Variants in SH2D4A observed in about 807,000 individuals in gnomAD.
SH2D4A encodes SH2 domain-containing protein 4A.
In SH2D4A, 70 loss-of-function variants were observed where a neutral mutation model predicts 64.7. The observed-to-expected ratio is 1.08, with a 90% CI of 0.89 to 1.32. SH2D4A has a LOEUF of 1.32. Among genes scored for constraint, SH2D4A ranks in the 40% most tolerant of loss-of-function variants. The pLI is 0.00. For synonymous variants in SH2D4A, 268 were observed against 200.7 expected, an observed-to-expected ratio of 1.34 and a Z score of -2.83; for missense variants, 706 against 540.1, an observed-to-expected ratio of 1.31 and a Z score of -3.04.
At chr8:19,354,197 C>G (rs1257894597) in intron 4 of SH2D4A, among the ~76,000 whole-genome samples, 1 of 151,968 alleles carries the variant, frequency 6.6e-6, no homozygotes, top group African/African-American at 2.4e-5. Context: ...GATGGGGTTT[C>G]ACCATGTGGG....
chr8:19,379,343 A>C (rs1479554222), intron 8 of SH2D4A, among the ~76,000 whole-genome samples: 1 of 152,204 alleles, frequency 6.6e-6, no homozygotes, highest in East Asian at 1.9e-4. Context: ...TGTGCATGTC[A>C]GAATTTCCTC....
intron 8 of SH2D4A, among the ~76,000 whole-genome samples, chr8:19,379,830 A>T (rs112482762): frequency 3.9e-5 from 6 of 152,188 alleles, no homozygotes; most frequent in African/African-American, 1.2e-4. Context: ...TCAAACTCCT[A>T]GGCTCAAGTA....
At chr8:19,331,956 C>A (rs1449524342) in intron 2 of SH2D4A, among the ~76,000 whole-genome samples, 1 of 152,106 alleles carries the variant, frequency 6.6e-6, no homozygotes, top group Non-Finnish European at 1.5e-5. Context: ...AAGTTTGAGA[C>A]CAGCCTGGGC....
At chr8:19,382,946 T>A (rs1231844862) in intron 8 of SH2D4A, among the ~76,000 whole-genome samples, 1 of 147,352 alleles carries the variant, frequency 6.8e-6, no homozygotes, top group Non-Finnish European at 1.5e-5. Context: ...TTCTCCTGCC[T>A]CAGCCCTGTC....
At chr8:19,383,544 C>T (rs1216555162) in intron 8 of SH2D4A, among the ~76,000 whole-genome samples, 2 of 151,884 alleles carry the variant, frequency 1.3e-5, no homozygotes, top group African/African-American at 2.4e-5. Flanking sequence ...TATTTTCATG[C>T]GTTGTGACTT....
chr8:19,317,313 T>G (rs1478150811), intron 1 of SH2D4A, among the ~76,000 whole-genome samples: 1 of 151,178 alleles, frequency 6.6e-6, no homozygotes. Context: ...ATTTTTTTTT[T>G]TTTTTTTTTT....
intron 1 of SH2D4A, among the ~76,000 whole-genome samples, chr8:19,318,886 G>A (rs955204200): frequency 6.6e-6 from 1 of 152,016 alleles, no homozygotes; most frequent in African/African-American, 2.4e-5. Context: ...CTCTATTTTG[G>A]TTTGGTTTGG....
At chr8:19,346,583 C>G (rs1303045769) in intron 4 of SH2D4A, among the ~76,000 whole-genome samples, 1 of 152,134 alleles carries the variant, frequency 6.6e-6, no homozygotes, top group Non-Finnish European at 1.5e-5. Context: ...TGAATCATCC[C>G]GAAGCCATCC....
rs902345134 is a variant in SH2D4A, at chr8:19,363,980, C to G, written c.707-92C>G. On this transcript the variant is annotated intron_variant, in intron 6 of 9. Transcript: ENST00000265807. ...AAGCAGACAACAAACTGCTGAGAAC[C>G]TGCGCTGCTGCCCGTTGTGCAATGA... is the stretch of plus-strand genomic sequence containing the variant. 10 of 1,189,492 alleles carry G rather than the reference C, an allele frequency of 8.4e-6. No homozygotes were observed. In the African/African-American group the frequency reaches 1.1e-4, roughly 13 times the overall value. The allele number at this position is 1,189,492 out of a possible 1,614,324, so 73.7% of individuals were successfully genotyped here.
chr8:19,344,721 G>C (rs1260288198), intron 4 of SH2D4A, among the ~76,000 whole-genome samples: 2 of 152,124 alleles, frequency 1.3e-5, no homozygotes, highest in African/African-American at 4.8e-5. Context: ...CAGTAGTATA[G>C]GCCTGCCACC....
At chr8:19,389,438 T>C (rs2053448276) in intron 8 of SH2D4A, among the ~76,000 whole-genome samples, 1 of 152,150 alleles carries the variant, frequency 6.6e-6, no homozygotes, top group Admixed American at 6.5e-5. Flanking sequence ...CATGTGGCAA[T>C]ATTTTCATTA....
Position 19,334,862 on chromosome 8 carries a change from G to A in SH2D4A, c.513+5G>A. 3 of 1,601,102 alleles carry A rather than the reference G, an allele frequency of 1.9e-6. No homozygotes were observed. The highest frequency in any genetic ancestry group is 2.6e-6 in the Non-Finnish European group (3 of 1,176,240). ...CTGGAAGAAGAGAAAATCCGAGTGA[G>A]TCCTTACTGTCTGTAGACGTGCGGA... is the stretch of plus-strand genomic sequence containing the variant. On this transcript the variant is annotated splice_donor_5th_base_variant and intron_variant, in intron 4 of 9. Coordinates refer to ENST00000265807, the MANE Select transcript of SH2D4A (RefSeq NM_022071.4).
At chr8:19,389,924 T>C (rs1010575377) in intron 8 of SH2D4A, among the ~76,000 whole-genome samples, 12 of 152,152 alleles carry the variant, frequency 7.9e-5, no homozygotes, top group African/African-American at 2.4e-4. Context: ...AATCCTCCTA[T>C]GACATCAGGT....
chr8:19,315,272 A>G (rs777705026), intron 1 of SH2D4A, among the ~76,000 whole-genome samples: 2 of 152,126 alleles, frequency 1.3e-5, no homozygotes, highest in Non-Finnish European at 2.9e-5. Context: ...AGTAGGTGGG[A>G]CTATAGGTGC....
chr8:19,363,062 T>C (rs946227236), intron 6 of SH2D4A, among the ~76,000 whole-genome samples: 45 of 152,178 alleles, frequency 3.0e-4, no homozygotes, highest in African/African-American at 9.9e-4. Flanking sequence ...ACCTTTGCTA[T>C]GTTGGGGGTA....
chr8:19,380,685 C>G (rs150078801), intron 8 of SH2D4A, among the ~76,000 whole-genome samples: 6 of 152,288 alleles, frequency 3.9e-5, no homozygotes, highest in South Asian at 2.1e-4. Flanking sequence ...TTGACCATGT[C>G]TATGCATTTT....
At chr8:19,375,225 A>G (rs1400791696) in intron 8 of SH2D4A, 2 of 152,234 alleles carry the variant, frequency 1.3e-5, no homozygotes, top group Non-Finnish European at 2.9e-5. Flanking sequence ...ATTAATAACC[A>G]TTACATAGCC....
chr8:19,323,463 C>T (rs1055412965), intron 2 of SH2D4A, among the ~76,000 whole-genome samples: 6 of 151,820 alleles, frequency 4.0e-5, no homozygotes, highest in African/African-American at 1.5e-4. Context: ...TCACTGCAAC[C>T]TCTGCCTCCT....
At chr8:19,369,261 T>C (rs1368679147) in intron 7 of SH2D4A, among the ~76,000 whole-genome samples, 1 of 152,162 alleles carries the variant, frequency 6.6e-6, no homozygotes, top group Non-Finnish European at 1.5e-5. Flanking sequence ...TTTGTATCTA[T>C]GTTCATCATC....
Sources: allele counts gnomAD v4.1 joint callset (sites outside exome capture counted in the v4.1 genomes callset), GRCh38; gene constraint gnomAD v4.1.1; transcripts MANE v1.5; gene names NCBI Gene and HGNC (gene_info 2026-07-23, HGNC 2026-07-21).